LCMT1: variants seen among roughly 807,000 people sequenced by gnomAD.
The protein encoded by LCMT1 is [Phosphatase 2A protein]-leucine-carboxy methyltransferase 1.
In LCMT1, 32 loss-of-function variants were observed where a neutral mutation model predicts 47.7. That is an observed-to-expected ratio of 0.67 (90% CI 0.51 to 0.90). The LOEUF is 0.90. Among genes scored for constraint, LCMT1 ranks in the 40% least tolerant of loss-of-function variants. The pLI is 0.00. For synonymous variants in LCMT1, 152 were observed against 149.7 expected, an observed-to-expected ratio of 1.02 and a Z score of -0.11; for missense variants, 375 against 415.2, an observed-to-expected ratio of 0.90 and a Z score of 0.84.
intron 10 of LCMT1, 66 bp downstream of exon 10, chr16:25,175,100 C>T (rs2141721067): frequency 1.2e-6 from 1 of 841,244 alleles, no homozygotes; most frequent in Middle Eastern, 2.2e-4. Context: ...CTATTCTTTC[C>T]CTTTCTCTTT....
chr16:25,172,454 G>A (rs967408679), intron 9 of LCMT1, among the ~76,000 whole-genome samples: 1 of 152,214 alleles, frequency 6.6e-6, no homozygotes, highest in Non-Finnish European at 1.5e-5. Flanking sequence ...TCATTTGCCT[G>A]TTATAAACAA....
At chr16:25,161,331 A>T in intron 6 of LCMT1, 127 bp downstream of exon 6, 1 of 514,058 alleles carries the variant, frequency 1.9e-6, no homozygotes, top group Non-Finnish European at 3.4e-6. Flanking sequence ...TTATCATTTC[A>T]TTGCTACCTA....
At position 25,111,891 on chromosome 16, in the gene LCMT1, C is replaced by T; in HGVS notation, c.8C>T (p.Thr3Ile). Residue 3 changes from threonine (T) to isoleucine (I), a missense_variant, in exon 1 of 11, where the codon ACT (threonine) becomes ATT (isoleucine). By Grantham distance (89) the Thr-to-Ile change is moderately conservative. Transcript: ENST00000399069. ...CCAGGAACCTCCACGCCCATGGCCA[C>T]TAGGCAGAGGGAATCCTCTATCACC... MA[T>I]RQRESSITSC... The T allele has an allele frequency of 1.9e-6, 3 of 1,611,444 alleles. No homozygotes were observed. Among genetic ancestry groups the T allele is most frequent in the Non-Finnish European group, 2.5e-6 (3 of 1,178,184 alleles).
intron 10 of LCMT1, among the ~76,000 whole-genome samples, chr16:25,176,617 A>G (rs1961953609): frequency 8.7e-6 from 1 of 115,244 alleles, no homozygotes; most frequent in Non-Finnish European, 1.6e-5. Flanking sequence ...GCTGGAGTGC[A>G]GTAGCATGAT....
intron 5 of LCMT1, among the ~76,000 whole-genome samples, chr16:25,152,263 G>T (rs1014850501): frequency 1.6e-4 from 24 of 152,122 alleles, no homozygotes; most frequent in African/African-American, 5.8e-4. Context: ...TGAAAGGGCT[G>T]GTTGCTGTTT....
intron 2 of LCMT1, among the ~76,000 whole-genome samples, chr16:25,131,291 G>T (rs1424791717): frequency 5.3e-5 from 8 of 152,336 alleles, no homozygotes; most frequent in African/African-American, 1.9e-4. Context: ...AACAAATGCT[G>T]CACAGGCAAA....
intron 3 of LCMT1, among the ~76,000 whole-genome samples, chr16:25,138,310 G>T (rs961776525): frequency 6.6e-6 from 1 of 152,146 alleles, no homozygotes; most frequent in Non-Finnish European, 1.5e-5. Flanking sequence ...CACCAGAGGG[G>T]GTGCTGGGAC....
chr16:25,174,989 C>G lies in LCMT1; in HGVS notation c.937C>G (p.Arg313Gly). Residue 313 changes from arginine (R) to glycine (G), a missense_variant, in exon 10 of 11, where the codon CGG (arginine) becomes GGG (glycine). By Grantham distance (125) the Arg-to-Gly change is moderately radical. Coordinates refer to ENST00000399069, the MANE Select transcript of LCMT1 (RefSeq NM_016309.3). ...DEMELLEQLM[R>G]HYCLCWATKG... ...AATGGAGCTGCTGGAGCAGCTCATG[C>G]GGCATTACTGCCTTTGCTGGGCAAC... 6.2e-7 allele frequency: 1 copy of G among 1,610,246 alleles called. No homozygotes were observed. Among genetic ancestry groups the G allele is most frequent in the South Asian group, 1.1e-5 (1 of 90,446 alleles).
intron 6 of LCMT1, among the ~76,000 whole-genome samples, 153 bp downstream of exon 6, chr16:25,161,357 TTC>T (rs1491302335): frequency 6.6e-5 from 10 of 151,840 alleles, no homozygotes; most frequent in Non-Finnish European, 1.2e-4. Context: ...CTGAAAAAAA[TTC>T]TTTTTTTTTT....
At position 25,136,828 on chromosome 16, in the gene LCMT1, C is replaced by T. The variant is rs150719891; in HGVS notation, c.328-3343C>T. ...TGCAGGGATTACAGATGTGAGCCACCGCGCCCCACAGGATGTCTTTCTTAA... is the reference window on the plus strand; with the variant it reads ...TGCAGGGATTACAGATGTGAGCCACTGCGCCCCACAGGATGTCTTTCTTAA... On this transcript the variant is annotated intron_variant, in intron 3 of 10. Transcript: ENST00000399069. 3.3e-5 allele frequency among the ~76,000 whole-genome samples: 5 copies of T among 151,980 alleles called. 1 individual carries two copies. Among genetic ancestry groups the T allele is most frequent in the Admixed American group, 3.3e-4 (5 of 15,276 alleles).
At chr16:25,130,337 C>A (rs1960313612) in intron 2 of LCMT1, among the ~76,000 whole-genome samples, 1 of 52,216 alleles carries the variant, frequency 1.9e-5, no homozygotes. Context: ...AATACTCCAT[C>A]TCAAAAAAAA....
At chr16:25,123,360 G>A (rs1215066202) in intron 1 of LCMT1, among the ~76,000 whole-genome samples, 2 of 151,132 alleles carry the variant, frequency 1.3e-5, no homozygotes, top group East Asian at 3.9e-4. Context: ...GAGAAGCTGG[G>A]TTTACAGACA....
chr16:25,174,218 T>C (rs555652935), intron 9 of LCMT1, among the ~76,000 whole-genome samples: 1 of 152,338 alleles, frequency 6.6e-6, no homozygotes, highest in African/African-American at 2.4e-5. Flanking sequence ...AACCTGTGTA[T>C]GTATGTTTAA....
At chr16:25,132,360 C>G (rs2095908809) in intron 2 of LCMT1, 42 bp from the exon 3 acceptor site, 1 of 1,609,504 alleles carries the variant, frequency 6.2e-7, no homozygotes, top group African/African-American at 1.3e-5. Flanking sequence ...TTTCTGTCAT[C>G]ACTGGGTGAT....
At chr16:25,123,764 T>C (rs926753620) in intron 1 of LCMT1, among the ~76,000 whole-genome samples, 1 of 151,152 alleles carries the variant, frequency 6.6e-6, no homozygotes, top group East Asian at 2.0e-4. Flanking sequence ...TGAGCCACCA[T>C]ATGCGGCTAA....
chr16:25,146,132 A>T (rs959732617), intron 4 of LCMT1: 1 of 152,266 alleles, frequency 6.6e-6, no homozygotes, highest in Non-Finnish European at 1.5e-5. Context: ...AAATTTTCTT[A>T]CCTTAGGACA....
At chr16:25,148,873 C>G (rs1392001468) in intron 4 of LCMT1, 3 of 152,196 alleles carry the variant, frequency 2.0e-5, no homozygotes, top group Non-Finnish European at 2.9e-5. Flanking sequence ...GCAGATTTTC[C>G]AGACAAGGCT....
intron 2 of LCMT1, among the ~76,000 whole-genome samples, chr16:25,130,565 C>T (rs904719648): frequency 2.6e-5 from 4 of 152,030 alleles, no homozygotes; most frequent in Non-Finnish European, 2.9e-5. Flanking sequence ...GTGGGAAGAT[C>T]GGCTCAGGCA....
At chr16:25,159,618 C>T (rs1173329300) in intron 5 of LCMT1, among the ~76,000 whole-genome samples, 1 of 152,148 alleles carries the variant, frequency 6.6e-6, no homozygotes, top group Non-Finnish European at 1.5e-5. Context: ...CTGGGGCCAA[C>T]TTTGGGTTCC....
Sources: allele counts gnomAD v4.1 joint callset (sites outside exome capture counted in the v4.1 genomes callset), GRCh38; gene constraint gnomAD v4.1.1; transcripts MANE v1.5; gene names NCBI Gene and HGNC (gene_info 2026-07-23, HGNC 2026-07-21).